Variants in PLEKHG1 observed in about 807,000 individuals in gnomAD.
PLEKHG1 encodes the protein pleckstrin homology domain-containing family G member 1.
A neutral mutation model predicts 100.8 loss-of-function variants in PLEKHG1; 44 were observed. The ratio of observed to expected loss-of-function variants is 0.44; its 90% CI spans 0.34 to 0.56. PLEKHG1 has a LOEUF of 0.56. PLEKHG1 is among the 20% of genes least tolerant of loss of function. The probability of loss-of-function intolerance (pLI) is 0.01; values close to 1 mark genes in which losing one functional copy is unlikely to be tolerated. For missense variants in PLEKHG1, 1,545 were observed against 1,720.9 expected (o/e 0.90, Z 1.81); for synonymous variants, 640 against 662.5 (o/e 0.97, Z 0.52).
At chr6:150,705,478 C>A (rs973277809) in intron 3 of PLEKHG1, among the ~76,000 whole-genome samples, 7 of 152,246 alleles carry the variant, frequency 4.6e-5, no homozygotes, top group African/African-American at 1.2e-4. Context: ...TCAACCCTTG[C>A]CCCTCTCCAG....
intron 1 of PLEKHG1, among the ~76,000 whole-genome samples, chr6:150,727,552 T>C (rs1412789395): frequency 3.9e-5 from 6 of 151,992 alleles, no homozygotes; most frequent in African/African-American, 1.5e-4. Context: ...AGTATGAAAG[T>C]CTAGCTACAT....
intron 13 of PLEKHG1, among the ~76,000 whole-genome samples, chr6:150,822,752 G>A (rs1776376709): frequency 6.6e-6 from 1 of 152,194 alleles, no homozygotes; most frequent in Non-Finnish European, 1.5e-5. Flanking sequence ...GGCCGAGGAG[G>A]GTGGATCACC....
chr6:150,704,766 C>T (rs1345809099), intron 3 of PLEKHG1, among the ~76,000 whole-genome samples: 1 of 152,234 alleles, frequency 6.6e-6, no homozygotes, highest in Non-Finnish European at 1.5e-5. Flanking sequence ...AAATGACAGA[C>T]ATTTATTTTC....
chr6:150,612,058 C>T (rs73780050), intron 1 of PLEKHG1, among the ~76,000 whole-genome samples: 5,778 of 101,826 alleles, frequency 0.057, 366 homozygotes, highest in Admixed American at 0.13. Flanking sequence ...CCCCCCCCCC[C>T]CCTTTTCTAG....
intron 14 of PLEKHG1, among the ~76,000 whole-genome samples, chr6:150,826,472 T>A (rs1776617581): frequency 6.6e-6 from 1 of 152,040 alleles, no homozygotes; most frequent in Non-Finnish European, 1.5e-5. Flanking sequence ...AATAAAAACA[T>A]GATAGCTAAT....
chr6:150,804,200 T>C (rs1336974814), intron 6 of PLEKHG1, among the ~76,000 whole-genome samples: 1 of 112,262 alleles, frequency 8.9e-6, no homozygotes, highest in Non-Finnish European at 1.8e-5. Context: ...TTTTTTTTTT[T>C]TTTCGAGGCA....
intron 3 of PLEKHG1, among the ~76,000 whole-genome samples, chr6:150,772,053 T>C (rs1784739296): frequency 6.6e-6 from 1 of 152,210 alleles, no homozygotes; most frequent in African/African-American, 2.4e-5. Flanking sequence ...CACATTCTGC[T>C]CTGTGGAGAA....
At chr6:150,612,967 A>G (rs1334093125) in intron 1 of PLEKHG1, among the ~76,000 whole-genome samples, 1 of 152,004 alleles carries the variant, frequency 6.6e-6, no homozygotes, top group African/African-American at 2.4e-5. Flanking sequence ...AATCCACTCT[A>G]CTAGTTTCTC....
chr6:150,841,100 G>A (rs1777511446), exon 16 of PLEKHG1: 1 of 683,742 alleles, frequency 1.5e-6, no homozygotes, highest in Non-Finnish European at 2.6e-6. Flanking sequence ...GGCATCAACA[G>A]TATATTTTCT....
chr6:150,688,837 G>C (rs1347884705), intron 3 of PLEKHG1, among the ~76,000 whole-genome samples: 1 of 152,110 alleles, frequency 6.6e-6, no homozygotes, highest in Non-Finnish European at 1.5e-5. Flanking sequence ...CAATTCAATG[G>C]TTTTTGGTAT....
At chr6:150,827,890 A>G (rs61730159) in intron 14 of PLEKHG1, 46,342 of 1,391,922 alleles carry the variant, frequency 0.033, 737 homozygotes, top group South Asian at 0.053. Flanking sequence ...ATGTACAGAC[A>G]GCAGAGACTG....
At chr6:150,667,959 A>C (rs371363299) in intron 3 of PLEKHG1, among the ~76,000 whole-genome samples, 7 of 152,368 alleles carry the variant, frequency 4.6e-5, no homozygotes, top group South Asian at 2.1e-4. Flanking sequence ...TGTGTGTATA[A>C]AAAAGAATTC....
chr6:150,811,664 C>T (rs149220048), intron 10 of PLEKHG1, among the ~76,000 whole-genome samples: 22 of 149,636 alleles, frequency 1.5e-4, no homozygotes, highest in Admixed American at 2.0e-4. Context: ...AGAATGTATG[C>T]GCTGTGTTCA....
exon 16 of PLEKHG1, chr6:150,843,608 A>G (rs1267839461): frequency 1.3e-5 from 2 of 152,226 alleles, no homozygotes; most frequent in South Asian, 2.1e-4. Flanking sequence ...TACTGTATAT[A>G]AGATAATGAA....
chr6:150,839,536 C>G (rs943336823), intron 15 of PLEKHG1, among the ~76,000 whole-genome samples: 1 of 152,162 alleles, frequency 6.6e-6, no homozygotes, highest in Non-Finnish European at 1.5e-5. Context: ...TTATAAAGAA[C>G]ACTAGAAACT....
chr6:150,699,947 A>G (rs189645582), intron 3 of PLEKHG1, among the ~76,000 whole-genome samples: 1 of 152,332 alleles, frequency 6.6e-6, no homozygotes, highest in East Asian at 1.9e-4. Flanking sequence ...TATGTTTAAC[A>G]TCAATAGAGC....
In PLEKHG1 at chr6:150,651,387, C is replaced by G. The variant is rs150940432; in HGVS notation, c.-99+601C>G. On this transcript the variant is annotated intron_variant, in intron 3 of 3. Coordinates refer to the PLEKHG1 transcript ENST00000367326. The stretch of plus-strand genomic sequence containing the variant: ...TAGTTGGGATAACAGGCACGCACCA[C>G]CATGACTGGCTAATTTTTGTATTTT... Among the ~76,000 whole-genome samples the G allele has an allele frequency of 8.4e-3, 1,278 of 152,122 alleles. 19 individuals are homozygous for G. The highest frequency in any genetic ancestry group is 0.029 in the African/African-American group (1,211 of 41,520).
chr6:150,762,495 G>A (rs1010878079), intron 2 of PLEKHG1, among the ~76,000 whole-genome samples: 2 of 151,988 alleles, frequency 1.3e-5, no homozygotes, highest in African/African-American at 4.8e-5. Flanking sequence ...CACTGTGCCC[G>A]GCCCAACCCT....
chr6:150,763,024 C>CTTTTTTTTTTTTT lies in PLEKHG1; in HGVS notation c.412-5606_412-5594dup, dbSNP rs60462437. ...AGCACCAACAGGAGGGATAAAGCTT[C>CTTTTTTTTTTTTT]TTTTTTTTTTTTTTTTTTTTGAGAC... On this transcript the variant is annotated intron_variant, in intron 2 of 15. Coordinates refer to ENST00000358517, the Ensembl canonical transcript of PLEKHG1. Among the ~76,000 whole-genome samples the CTTTTTTTTTTTTT allele has an allele frequency of 4.7e-3, 362 of 76,436 alleles. 18 individuals are homozygous for CTTTTTTTTTTTTT. Among genetic ancestry groups the CTTTTTTTTTTTTT allele is most frequent in the African/African-American group, 6.9e-3 (100 of 14,464 alleles). The allele number at this position is 76,436 out of a possible 152,430, so 50.1% of individuals were successfully genotyped here.
Sources: allele counts gnomAD v4.1 joint callset (sites outside exome capture counted in the v4.1 genomes callset), GRCh38; gene constraint gnomAD v4.1.1; transcripts MANE v1.5; gene names NCBI Gene and HGNC (gene_info 2026-07-23, HGNC 2026-07-21).